DNHD1: variants seen among roughly 807,000 people sequenced by gnomAD.
DNHD1 encodes the protein dynein heavy chain domain-containing protein 1.
A neutral mutation model predicts 458.1 loss-of-function variants in DNHD1; 383 were observed. That is an observed-to-expected ratio of 0.84 (90% CI 0.77 to 0.91). The LOEUF is 0.91. Among genes scored for constraint, DNHD1 ranks in the 40% least tolerant of loss-of-function variants. DNHD1 has a pLI of 0.00. For synonymous variants in DNHD1, 2,203 were observed against 2,376.9 expected (o/e 0.93, Z 2.13); for missense variants, 5,336 against 5,866.1 (o/e 0.91, Z 2.95).
chr11:6,543,945 C>T (rs936463998), intron 18 of DNHD1, among the ~76,000 whole-genome samples, 176 bp from the exon 19 acceptor site: 49 of 103,504 alleles, frequency 4.7e-4, no homozygotes, highest in African/African-American at 1.1e-4. Context: ...GGCAACAAAG[C>T]GAGACTCTGT....
At chr11:6,542,354 C>G (rs367702655) in intron 18 of DNHD1, among the ~76,000 whole-genome samples, 1 of 152,182 alleles carries the variant, frequency 6.6e-6, no homozygotes, top group Admixed American at 6.5e-5. Context: ...AATAAAAATT[C>G]GTAATACAAA....
intron 7 of DNHD1, among the ~76,000 whole-genome samples, chr11:6,515,513 C>T (rs142568832): frequency 7.9e-5 from 12 of 152,248 alleles, no homozygotes; most frequent in East Asian, 3.9e-4. Context: ...CTCTGTAATA[C>T]GATTGGAACA....
intron 7 of DNHD1, among the ~76,000 whole-genome samples, chr11:6,513,391 C>G (rs1852386718): frequency 6.6e-6 from 1 of 152,156 alleles, no homozygotes; most frequent in South Asian, 2.1e-4. Flanking sequence ...GCAGAGGTAA[C>G]CAGTACTCTG....
Position 6,571,782 on chromosome 11 carries a change from C to T in DNHD1, c.14058C>T (p.Ile4686=), listed in dbSNP as rs747600527. The part of the protein sequence containing the change: ...SQPSPLPPVS[I]STQAPGTSDL... Reference sequence around the variant, plus strand: ...CCAGCCCTCTGCCTCCCGTCAGCATCAGCACACAGGCCCCGGGCACCAGTG... The same window carrying T: ...CCAGCCCTCTGCCTCCCGTCAGCATTAGCACACAGGCCCCGGGCACCAGTG... Residue 4686 remains isoleucine (I), a synonymous_variant, in exon 43 of 43, where the codon ATC becomes ATT. Transcript: ENST00000254579. The surrounding 1 kb of genome is among the most constrained non-coding windows in gnomAD (Gnocchi z 5.0). The T allele has an allele frequency of 5.0e-6, 8 of 1,613,866 alleles. No homozygotes were observed. In the South Asian group the frequency reaches 5.5e-5, roughly 11 times the overall value.
At chr11:6,511,965 T>G (rs1441861867) in intron 7 of DNHD1, among the ~76,000 whole-genome samples, 1 of 152,178 alleles carries the variant, frequency 6.6e-6, no homozygotes, top group African/African-American at 2.4e-5. Flanking sequence ...CAGGTGGGGC[T>G]GGATATTCAC....
rs535486129 is a variant in DNHD1, at chr11:6,506,316, T to C, written c.921-2564T>C. On this transcript the variant is annotated intron_variant, in intron 4 of 42. Coordinates refer to ENST00000254579, the MANE Select transcript of DNHD1 (RefSeq NM_144666.3). The stretch of plus-strand genomic sequence containing the variant: ...AGGAGGTATATTTCTGGTTCCACTT[T>C]ACTCCTGTGTTGTAGCCATTTGGGG... 2.6e-5 allele frequency among the ~76,000 whole-genome samples: 4 copies of C among 152,352 alleles called. No individual in the cohort carries two copies. In the South Asian group the frequency reaches 8.3e-4, roughly 32 times the overall value.
In DNHD1 at chr11:6,532,438, T is replaced by C. The variant is rs372003152; in HGVS notation, c.2348-589T>C. On this transcript the variant is annotated intron_variant, in intron 12 of 42. Coordinates refer to ENST00000254579, the MANE Select transcript of DNHD1 (RefSeq NM_144666.3). ...CCTGAGACTTTCTTTACTTTAATCC[T>C]TAAAAACAAAAGGCAGATCATACTA... 2.6e-5 allele frequency among the ~76,000 whole-genome samples: 4 copies of C among 152,310 alleles called. No homozygotes were observed. The East Asian group carries it at 7.7e-4, about 29-fold the overall frequency.
chr11:6,537,985 A>G (rs1162908440), intron 14 of DNHD1, among the ~76,000 whole-genome samples: 1 of 152,212 alleles, frequency 6.6e-6, no homozygotes, highest in East Asian at 1.9e-4. Context: ...TGGTGAGGGC[A>G]TGAGCCATGT....
chr11:6,512,248 T>G, intron 7 of DNHD1, among the ~76,000 whole-genome samples: 1 of 118,570 alleles, frequency 8.4e-6, no homozygotes, highest in Non-Finnish European at 1.6e-5. Context: ...TGAGACGGAG[T>G]CTCGCTCTGT....
intron 39 of DNHD1, among the ~76,000 whole-genome samples, 199 bp downstream of exon 39, chr11:6,569,065 A>G (rs1853775912): frequency 6.6e-6 from 1 of 152,214 alleles, no homozygotes. Flanking sequence ...AATCAGGTAG[A>G]GATGGGCCTT....
chr11:6,547,547 A>T lies in DNHD1; in HGVS notation c.6608A>T (p.Gln2203Leu). Residue 2203 changes from glutamine to leucine, a missense_variant, in exon 21 of 43, where the codon CAG becomes CTG. Transcript: ENST00000254579. ...LTCQGVSSLL[Q>L]VHGQQAVCAG... ...TGCCAAGGTGTCAGCTCTCTGCTGC[A>T]GGTACACGGGCAGCAGGCTGTTTGT... The T allele has an allele frequency of 6.4e-7, 1 of 1,551,206 alleles. No homozygotes were observed. The highest frequency in any genetic ancestry group is 1.2e-5 in the South Asian group (1 of 84,046).
Position 6,517,714 on chromosome 11 carries a change from G to A in DNHD1, c.1393-1886G>A, listed in dbSNP as rs138901118. ...GGGCACTAATCCTATTCCTGAGACT[G>A]GAGACCTCATGATCTAATCACCTCC... On this transcript the variant is annotated intron_variant, in intron 7 of 42. Transcript: ENST00000254579. Among the ~76,000 whole-genome samples the A allele has an allele frequency of 3.0e-3, 360 of 120,678 alleles. 3 individuals are homozygous for A. The highest frequency in any genetic ancestry group is 0.011 in the African/African-American group (343 of 32,186). The allele number at this position is 120,678 out of a possible 152,430, so 79.2% of individuals were successfully genotyped here.
chr11:6,520,290 G>A lies in DNHD1; in HGVS notation c.1837+1G>A. The A allele has an allele frequency of 6.4e-7, 1 of 1,551,814 alleles. No homozygotes were observed. Among genetic ancestry groups the A allele is most frequent in the Non-Finnish European group, 8.7e-7 (1 of 1,147,026 alleles). Reference sequence around the variant, plus strand: ...TCCTCGGATTCCCTGTATTCTGAAGGTATTTAGGGAGACCTAGGCAGGGGG... The same window carrying A: ...TCCTCGGATTCCCTGTATTCTGAAGATATTTAGGGAGACCTAGGCAGGGGG... On this transcript the variant is annotated splice_donor_variant, in intron 10 of 42. Transcript: ENST00000254579. LOFTEE classifies it high-confidence loss of function.
At chr11:6,558,339 C>G (rs548637549) in intron 25 of DNHD1, 42 bp downstream of exon 25, 2 of 1,538,674 alleles carry the variant, frequency 1.3e-6, no homozygotes, top group Admixed American at 4.0e-5. Context: ...TCTGCTCTTA[C>G]GCTGTCTTGG....
intron 14 of DNHD1, among the ~76,000 whole-genome samples, chr11:6,534,813 C>G (rs1852910038): frequency 1.3e-5 from 2 of 152,198 alleles, no homozygotes; most frequent in Admixed American, 1.3e-4. Context: ...GTGTCATGAT[C>G]ACAGCTCACT....
At chr11:6,542,596 C>T (rs11040915) in intron 18 of DNHD1, among the ~76,000 whole-genome samples, 42,554 of 152,086 alleles carry the variant, frequency 0.28, 6,386 homozygotes, top group Non-Finnish European at 0.33. Flanking sequence ...CTGTTAACTC[C>T]GGGCATGTTA....
intron 28 of DNHD1, 117 bp from the exon 29 acceptor site, chr11:6,562,865 C>A: frequency 8.2e-7 from 1 of 1,224,586 alleles, no homozygotes; most frequent in Non-Finnish European, 1.1e-6. Flanking sequence ...ACTTGGAGTT[C>A]AACGTGGTCA....
In DNHD1 at chr11:6,499,076, A is replaced by G. The variant is rs549442526; in HGVS notation, c.746+115A>G. 1.1e-5 allele frequency: 13 copies of G among 1,222,740 alleles called. No homozygotes were observed. In the South Asian group the frequency reaches 2.0e-4, roughly 18 times the overall value. The allele number at this position is 1,222,740 out of a possible 1,614,324, so 75.7% of individuals were successfully genotyped here. ...CAGCTCTCTGTTTATCACAGGGATT[A>G]GCCCAACTCCACACAAAGCTAGTGT... On this transcript the variant is annotated intron_variant, in intron 3 of 42. Coordinates refer to ENST00000254579, the MANE Select transcript of DNHD1 (RefSeq NM_144666.3).
At chr11:6,517,402 G>C (rs931236404) in intron 7 of DNHD1, among the ~76,000 whole-genome samples, 3 of 152,126 alleles carry the variant, frequency 2.0e-5, no homozygotes, top group East Asian at 1.9e-4. Flanking sequence ...GTATCTCAAA[G>C]AGATATCTAT....
Sources: allele counts gnomAD v4.1 joint callset (sites outside exome capture counted in the v4.1 genomes callset), GRCh38; gene constraint gnomAD v4.1.1; non-coding constraint Gnocchi (gnomAD v3.1); transcripts MANE v1.5; gene names NCBI Gene and HGNC (gene_info 2026-07-23, HGNC 2026-07-21).